The following THRB variants were observed in gnomAD, a reference collection of about 807,000 sequenced individuals.
THRB encodes the protein nuclear receptor subfamily 1 group A member 2.
In THRB, 12 loss-of-function variants were observed where a neutral mutation model predicts 47.8. The observed-to-expected ratio is 0.25, with a 90% confidence interval of 0.16 to 0.41. THRB has a LOEUF of 0.41. Among genes scored for constraint, THRB ranks in the 10% least tolerant of loss-of-function variants. The pLI, the probability that THRB is intolerant of heterozygous loss-of-function variation, is 1.00. For missense variants in THRB, 348 were observed against 589.2 expected, an observed-to-expected ratio of 0.59 and a Z score of 4.24; for synonymous variants, 218 against 212.2, an observed-to-expected ratio of 1.03 and a Z score of -0.24.
At chr3:24,386,575 G>A (rs760574661) in intron 1 of THRB, among the ~76,000 whole-genome samples, 46 of 152,076 alleles carry the variant, frequency 3.0e-4, no homozygotes, top group Non-Finnish European at 5.4e-4. Context: ...TCTACCTTAC[G>A]TTTTAGTCAT....
chr3:24,460,715 T>G (rs2073619058), intron 1 of THRB, among the ~76,000 whole-genome samples: 1 of 152,196 alleles, frequency 6.6e-6, no homozygotes, highest in Non-Finnish European at 1.5e-5. Context: ...AACTGCCTGG[T>G]CATAGAAAAG....
At position 24,223,435 on chromosome 3, in the gene THRB, AAATGACACCTC is replaced by A. The variant is rs1353898792; in HGVS notation, c.22+5492_22+5502del. Among the ~76,000 whole-genome samples, 19 of 152,338 alleles carry A rather than the reference AAATGACACCTC, an allele frequency of 1.2e-4. No homozygotes were observed. In the South Asian group the frequency reaches 3.5e-3, roughly 28 times the overall value. ...GCTTGACAACAAAGAAATAAATCAT[AAATGACACCTC>A]AATAGAACTCATTCTATATAAATTA... On this transcript the variant is annotated intron_variant, in intron 4 of 10. Coordinates refer to ENST00000646209, the MANE Select transcript of THRB (RefSeq NM_001354712.2).
intron 1 of THRB, among the ~76,000 whole-genome samples, chr3:24,483,501 A>G (rs920281606): frequency 6.8e-6 from 1 of 146,868 alleles, no homozygotes; most frequent in East Asian, 2.0e-4. Flanking sequence ...GTTCTCTTTA[A>G]AAAAAAAAAA....
chr3:24,377,714 C>T (rs2065397040), intron 1 of THRB, among the ~76,000 whole-genome samples: 2 of 152,090 alleles, frequency 1.3e-5, no homozygotes, highest in Admixed American at 1.3e-4. Context: ...CATTTGATAG[C>T]TGAAAATTGA....
At chr3:24,424,625 A>C (rs1279947018) in intron 1 of THRB, among the ~76,000 whole-genome samples, 1 of 151,982 alleles carries the variant, frequency 6.6e-6, no homozygotes, top group Non-Finnish European at 1.5e-5. Context: ...GACTCCATGT[A>C]CCTTCACTGT....
At chr3:24,476,816 T>A (rs1695521565) in intron 1 of THRB, among the ~76,000 whole-genome samples, 5 of 151,816 alleles carry the variant, frequency 3.3e-5, no homozygotes, top group Admixed American at 6.6e-5. Flanking sequence ...AAATTCTTAT[T>A]GTTATTGCCT....
rs746323691 is a variant in THRB, at chr3:24,481,229, G to GTTTTTT, written c.-261+13417_-261+13422dup. Among the ~76,000 whole-genome samples the GTTTTTT allele has an allele frequency of 6.0e-4, 33 of 55,364 alleles. 1 individual carries two copies. Among genetic ancestry groups the GTTTTTT allele is most frequent in the African/African-American group, 1.6e-3 (21 of 13,074 alleles). The allele number at this position is 55,364 out of a possible 152,430, so 36.3% of individuals were successfully genotyped here. A position where few individuals can be genotyped will look rare whatever the true frequency, so the allele number is the denominator to read the frequency against. ...TATATGTGTGGATGCGTTTCTTTCT[G>GTTTTTT]TTTTTTTTTTTTTTTTTTTTTTTTT... is the stretch of plus-strand genomic sequence containing the variant. On this transcript the variant is annotated intron_variant, in intron 1 of 10. Coordinates refer to ENST00000646209, the MANE Select transcript of THRB (RefSeq NM_001354712.2).
At chr3:24,471,364 G>A (rs4276130) in intron 1 of THRB, among the ~76,000 whole-genome samples, 78,631 of 152,026 alleles carry the variant, frequency 0.52, 20,557 homozygotes, top group African/African-American at 0.6. Flanking sequence ...CCATTATTTT[G>A]ATGGAGCTTA....
chr3:24,463,459 A>G (rs547946729), intron 1 of THRB, among the ~76,000 whole-genome samples: 1 of 152,246 alleles, frequency 6.6e-6, no homozygotes, highest in East Asian at 1.9e-4. Context: ...TTGTAGAGAC[A>G]GGGTCTTCCT....
Position 24,491,318 on chromosome 3 carries a change from C to A in THRB, c.-261+3334G>T, listed in dbSNP as rs190786722. ...CACTTATGAAAGTCAATACTCTAGA[C>A]ACAAAAACAAATCACCATAATCTTC... is the stretch of plus-strand genomic sequence containing the variant. On this transcript the variant is annotated intron_variant, in intron 1 of 10. Coordinates refer to ENST00000646209, the MANE Select transcript of THRB (RefSeq NM_001354712.2). Among the ~76,000 whole-genome samples, 581 of 152,270 alleles carry A rather than the reference C, an allele frequency of 3.8e-3. 1 individual carries two copies. The highest frequency in any genetic ancestry group is 6.6e-3 in the Admixed American group (101 of 15,298).
intron 1 of THRB, among the ~76,000 whole-genome samples, chr3:24,393,721 T>C (rs2066748967): frequency 6.6e-6 from 1 of 152,140 alleles, no homozygotes; most frequent in African/African-American, 2.4e-5. Context: ...AATGTTTTAC[T>C]TAAGGTGGCA....
chr3:24,368,945 A>T (rs946843070), intron 1 of THRB, among the ~76,000 whole-genome samples: 1 of 152,196 alleles, frequency 6.6e-6, no homozygotes, highest in Non-Finnish European at 1.5e-5. Flanking sequence ...ATCAGGTTAT[A>T]AACAGTGATC....
intron 2 of THRB, among the ~76,000 whole-genome samples, chr3:24,307,025 G>T (rs558810789): frequency 2.4e-4 from 37 of 151,762 alleles, no homozygotes; most frequent in African/African-American, 7.0e-4. Flanking sequence ...TCATATGAGA[G>T]TTCTTGGCTG....
At chr3:24,302,463 T>C (rs897470813) in intron 2 of THRB, among the ~76,000 whole-genome samples, 1 of 152,206 alleles carries the variant, frequency 6.6e-6, no homozygotes, top group East Asian at 1.9e-4. Flanking sequence ...CCATTTGTAA[T>C]TGATAATTCT....
At chr3:24,342,153 C>A (rs1361669202) in intron 1 of THRB, among the ~76,000 whole-genome samples, 23 of 138,850 alleles carry the variant, frequency 1.7e-4, no homozygotes, top group African/African-American at 5.1e-4. Context: ...CTGTTGCGCT[C>A]AAAAAAAAAA....
intron 1 of THRB, among the ~76,000 whole-genome samples, chr3:24,382,991 C>A (rs1490987106): frequency 7.9e-5 from 12 of 152,106 alleles, no homozygotes; most frequent in Non-Finnish European, 1.5e-5. Context: ...CCGGAACATT[C>A]CCCTCTAGTC....
chr3:24,475,534 T>G (rs76307157), intron 1 of THRB, among the ~76,000 whole-genome samples: 3 of 151,208 alleles, frequency 2.0e-5, no homozygotes, highest in South Asian at 2.1e-4. Context: ...TCAACATATA[T>G]ATAGATAGAT....
intron 5 of THRB, 36 bp from the exon 6 acceptor site, chr3:24,152,526 AAT>A: frequency 8.7e-7 from 1 of 1,151,356 alleles, no homozygotes; most frequent in Non-Finnish European, 1.3e-6. Context: ...ATTAAAAAAT[AAT>A]ATGTTAACGT....
chr3:24,420,820 C>A (rs993200429), intron 1 of THRB, among the ~76,000 whole-genome samples: 2 of 151,844 alleles, frequency 1.3e-5, no homozygotes, highest in African/African-American at 4.8e-5. Flanking sequence ...AACAGAAATA[C>A]CACTCAACTC....
Sources: gnomAD v4.1 joint callset for allele counts (sites outside exome capture counted in the v4.1 genomes callset) on GRCh38, gnomAD v4.1.1 for gene constraint, MANE v1.5 for transcripts, NCBI Gene and HGNC (gene_info 2026-07-23, HGNC 2026-07-21) for gene names.